The following CRTAC1 variants were observed in gnomAD, a reference collection of about 807,000 sequenced individuals.
The protein encoded by CRTAC1 is acidic secreted protein in cartilage.
Under a neutral mutation model 67.8 loss-of-function variants are expected in CRTAC1, and 37 were observed. The observed-to-expected ratio is 0.55, with a 90% CI of 0.42 to 0.72. The LOEUF (loss-of-function observed/expected upper bound fraction) is 0.72, where lower values mean the gene tolerates loss of function less well. Ranked by LOEUF, CRTAC1 falls within the 30% of genes least tolerant of loss-of-function variation. CRTAC1 has a pLI of 0.00. For missense variants in CRTAC1, 780 were observed against 931.6 expected (o/e 0.84, Z 2.12); for synonymous variants, 348 against 371.0 (o/e 0.94, Z 0.71).
At chr10:97,869,462 TC>T in intron 14 of CRTAC1, 1 of 152,794 alleles carries the variant, frequency 6.5e-6, no homozygotes. Context: ...AGCCAGACTG[TC>T]CCCGAGGTCC....
chr10:97,920,457 C>T (rs1200830159), intron 4 of CRTAC1, among the ~76,000 whole-genome samples: 1 of 152,166 alleles, frequency 6.6e-6, no homozygotes, highest in African/African-American at 2.4e-5. Flanking sequence ...GGTTCCCACA[C>T]TTTAACCTAT....
intron 2 of CRTAC1, among the ~76,000 whole-genome samples, chr10:97,977,221 G>A (rs552328375): frequency 1.3e-5 from 2 of 152,310 alleles, no homozygotes; most frequent in East Asian, 3.9e-4. Flanking sequence ...CTCCACTCAG[G>A]CATCTTTTGT....
rs1466527894 is a variant in CRTAC1, at chr10:98,030,023, G to T, written c.24+426C>A. ...CGTAGGCACTCGGCCGAGGCCAGTG[G>T]CTTCCCAGGCCCGGGTCTCAGCCTG... is the stretch of plus-strand genomic sequence containing the variant. On this transcript the variant is annotated intron_variant, in intron 1 of 14. Transcript: ENST00000370597. This position sits in a 1 kb window ranked among gnomAD's most constrained non-coding sequence, Gnocchi z 4.2. Among the ~76,000 whole-genome samples the T allele has an allele frequency of 6.6e-6, 1 of 152,104 alleles. No homozygotes were observed. The highest frequency in any genetic ancestry group is 6.5e-5 in the Admixed American group (1 of 15,278).
intron 2 of CRTAC1, among the ~76,000 whole-genome samples, chr10:97,976,178 C>T (rs76455505): frequency 0.014 from 2,171 of 152,336 alleles, 62 homozygotes; most frequent in African/African-American, 0.05. Context: ...GAGGAATAAA[C>T]AAACATCTTC....
Position 97,945,336 on chromosome 10 carries a change from CT to C in CRTAC1, c.225-8971del, listed in dbSNP as rs528437579. ...CTCCTGTTTTTCTACTCCTCTTTCTCTTTCTTCTTTCCTTTCTAACCATATC... is the reference window on the plus strand; with the variant it reads ...CTCCTGTTTTTCTACTCCTCTTTCTCTTCTTCTTTCCTTTCTAACCATATC... On this transcript the variant is annotated intron_variant, in intron 2 of 14. Coordinates refer to ENST00000370597, the MANE Select transcript of CRTAC1 (RefSeq NM_018058.7). Among the ~76,000 whole-genome samples, 184 of 152,312 alleles carry C rather than the reference CT, an allele frequency of 1.2e-3. 1 individual carries two copies. Among genetic ancestry groups the C allele is most frequent in the African/African-American group, 4.1e-3 (170 of 41,560 alleles).
Position 97,917,593 on chromosome 10 carries a change from G to C in CRTAC1, c.622C>G (p.Leu208Val). 6.2e-7 allele frequency: 1 copy of C among 1,602,268 alleles called. No individual in the cohort carries two copies. Among genetic ancestry groups the C allele is most frequent in the Non-Finnish European group, 8.5e-7 (1 of 1,173,264 alleles). The part of the protein sequence containing the change: ...YAYGNVGPDA[L>V]IEMDPEASDL... ...CTGGCCTCAGGGTCCATTTCAATGAGGGCATCAGGGCCCACATTACCGTAG... is the reference window on the plus strand; with the variant it reads ...CTGGCCTCAGGGTCCATTTCAATGACGGCATCAGGGCCCACATTACCGTAG... The change falls in exon 5 of 15, where the codon CTC (leucine) becomes GTC (valine). Residue 208 changes from leucine (L) to valine (V), a missense_variant. Leu to Val is a conservative substitution (Grantham distance 32). Coordinates refer to ENST00000370597, the MANE Select transcript of CRTAC1 (RefSeq NM_018058.7).
At chr10:98,001,373 T>C (rs1376997630) in intron 2 of CRTAC1, among the ~76,000 whole-genome samples, 1 of 152,146 alleles carries the variant, frequency 6.6e-6, no homozygotes, top group Non-Finnish European at 1.5e-5. Flanking sequence ...ACTGGACCTG[T>C]TTCCTCATCT....
chr10:98,025,794 G>A (rs1159885519), intron 1 of CRTAC1, among the ~76,000 whole-genome samples: 2 of 152,190 alleles, frequency 1.3e-5, no homozygotes, highest in Non-Finnish European at 2.9e-5. Context: ...TAGGCTCCAA[G>A]GAAGGCTTCT....
chr10:97,933,620 C>T (rs192758611), intron 3 of CRTAC1, among the ~76,000 whole-genome samples: 94 of 152,348 alleles, frequency 6.2e-4, no homozygotes, highest in African/African-American at 1.9e-3. Flanking sequence ...CTCAGATACC[C>T]GGAGAAACAC....
At chr10:97,891,342 T>C (rs1325784712) in intron 11 of CRTAC1, among the ~76,000 whole-genome samples, 1 of 152,244 alleles carries the variant, frequency 6.6e-6, no homozygotes, top group Non-Finnish European at 1.5e-5. Context: ...ACCTTCCCAC[T>C]TCTGGGCCTT....
At chr10:98,022,042 G>C (rs1026454509) in intron 1 of CRTAC1, among the ~76,000 whole-genome samples, 2 of 152,142 alleles carry the variant, frequency 1.3e-5, no homozygotes, top group African/African-American at 4.8e-5. Context: ...AATTCAGTGG[G>C]ATAACCTCAG....
At chr10:97,911,812 C>T (rs2050691640) in intron 5 of CRTAC1, among the ~76,000 whole-genome samples, 1 of 152,238 alleles carries the variant, frequency 6.6e-6, no homozygotes, top group South Asian at 2.1e-4. Context: ...CACACCCTCC[C>T]TCTCCTCCAT....
At chr10:98,024,270 G>A (rs1247161549) in intron 1 of CRTAC1, among the ~76,000 whole-genome samples, 3 of 152,228 alleles carry the variant, frequency 2.0e-5, no homozygotes, top group Non-Finnish European at 4.4e-5. Context: ...AACAGAGAGG[G>A]TCATTTTATA....
At chr10:97,997,068 C>A (rs1429090504) in intron 2 of CRTAC1, among the ~76,000 whole-genome samples, 1 of 115,786 alleles carries the variant, frequency 8.6e-6, no homozygotes, top group Non-Finnish European at 1.6e-5. Context: ...GGGAACATCA[C>A]ACTCTGGGGA....
chr10:97,896,075 T>C (rs951629610), intron 9 of CRTAC1, 90 bp from the exon 10 acceptor site: 1 of 1,157,192 alleles, frequency 8.6e-7, no homozygotes, highest in Non-Finnish European at 1.3e-6. Flanking sequence ...TCCACAGCCC[T>C]GGGCGTGGGA....
chr10:97,914,286 G>C (rs1163732491), intron 5 of CRTAC1, among the ~76,000 whole-genome samples: 1 of 152,144 alleles, frequency 6.6e-6, no homozygotes, highest in African/African-American at 2.4e-5. Flanking sequence ...GCATCCCCCT[G>C]TACCTTGCAC....
chr10:97,975,530 C>T lies in CRTAC1; in HGVS notation c.224+35608G>A, dbSNP rs914672579. Among the ~76,000 whole-genome samples, 11 of 152,184 alleles carry T rather than the reference C, an allele frequency of 7.2e-5. No individual in the cohort carries two copies. The highest frequency in any genetic ancestry group is 5.2e-4 in the Admixed American group (8 of 15,288). On this transcript the variant is annotated intron_variant, in intron 2 of 14. Coordinates refer to ENST00000370597, the MANE Select transcript of CRTAC1 (RefSeq NM_018058.7). This position sits in a 1 kb window ranked among gnomAD's most constrained non-coding sequence, Gnocchi z 4.8. Reference sequence around the variant, plus strand: ...AAGAGCAGAAAGAGGATTACCCTGTCGGCATTTTGGCCCAGTCGGAATGGA... The same window carrying T: ...AAGAGCAGAAAGAGGATTACCCTGTTGGCATTTTGGCCCAGTCGGAATGGA...
At chr10:97,883,154 T>C (rs1396355440) in intron 12 of CRTAC1, among the ~76,000 whole-genome samples, 1 of 152,204 alleles carries the variant, frequency 6.6e-6, no homozygotes, top group East Asian at 1.9e-4. Context: ...CAGGGCAAAG[T>C]GTAATGAGGG....
At chr10:97,923,720 C>A (rs2050873927) in intron 3 of CRTAC1, among the ~76,000 whole-genome samples, 1 of 152,178 alleles carries the variant, frequency 6.6e-6, no homozygotes, top group African/African-American at 2.4e-5. Flanking sequence ...CGTGCTCCTG[C>A]AACAGCATCA....
Sources: allele counts gnomAD v4.1 joint callset (sites outside exome capture counted in the v4.1 genomes callset), GRCh38; gene constraint gnomAD v4.1.1; non-coding constraint Gnocchi (gnomAD v3.1); transcripts MANE v1.5; gene names NCBI Gene and HGNC (gene_info 2026-07-23, HGNC 2026-07-21).